The following MAGI2 variants were observed in gnomAD, a reference collection of about 807,000 sequenced individuals.
MAGI2 encodes membrane-associated guanylate kinase, WW and PDZ domain-containing protein 2.
Under a neutral mutation model 133.3 loss-of-function variants are expected in MAGI2, and 35 were observed. The ratio of observed to expected loss-of-function variants is 0.26; its 90% CI spans 0.20 to 0.35. The LOEUF (loss-of-function observed/expected upper bound fraction) is 0.35. Ranked by LOEUF, MAGI2 falls within the 10% of genes least tolerant of loss-of-function variation. The probability of loss-of-function intolerance (pLI) is 1.00; values close to 1 mark genes in which losing one functional copy is unlikely to be tolerated. For synonymous variants in MAGI2, 729 were observed against 710.6 expected (o/e 1.03, Z -0.41); for missense variants, 1,636 against 1,863.4 (o/e 0.88, Z 2.25).
intron 2 of MAGI2, among the ~76,000 whole-genome samples, chr7:78,740,147 C>A (rs1311945721): frequency 6.6e-6 from 1 of 150,922 alleles, no homozygotes; most frequent in African/African-American, 2.5e-5. Flanking sequence ...GGTGACAGAG[C>A]CAGACTCTGT....
At chr7:78,725,144 T>A (rs763112235) in intron 2 of MAGI2, among the ~76,000 whole-genome samples, 2 of 152,356 alleles carry the variant, frequency 1.3e-5, no homozygotes, top group South Asian at 4.1e-4. Flanking sequence ...TAATTAAGTT[T>A]CCTGAAAAAT....
chr7:78,308,084 G>T (rs1488723554), intron 9 of MAGI2, among the ~76,000 whole-genome samples: 8 of 152,312 alleles, frequency 5.3e-5, no homozygotes, highest in Non-Finnish European at 1.2e-4. Context: ...AATGGGCAAT[G>T]AATTTCTAAT....
At chr7:79,132,247 A>G (rs1052715181) in intron 1 of MAGI2, among the ~76,000 whole-genome samples, 15 of 152,088 alleles carry the variant, frequency 9.9e-5, no homozygotes, top group African/African-American at 3.6e-4. Context: ...CCCTTCACCT[A>G]AGTAGTATAC....
intron 1 of MAGI2, among the ~76,000 whole-genome samples, chr7:79,398,407 T>C (rs1379487606): frequency 6.6e-6 from 1 of 152,244 alleles, no homozygotes; most frequent in African/African-American, 2.4e-5. Context: ...GGCTGTCATC[T>C]TCTCATATTC....
At chr7:79,425,578 TTATATA>T (rs10639427) in intron 1 of MAGI2, among the ~76,000 whole-genome samples, 211 of 131,376 alleles carry the variant, frequency 1.6e-3, no homozygotes, top group African/African-American at 6.6e-3. Context: ...AATAAGGGTT[TTATATA>T]TATATATATA....
intron 1 of MAGI2, among the ~76,000 whole-genome samples, chr7:79,251,899 G>A (rs1395547627): frequency 6.6e-6 from 1 of 152,046 alleles, no homozygotes; most frequent in African/African-American, 2.4e-5. Context: ...GCTTATGCCT[G>A]TAATCCCAGC....
intron 4 of MAGI2, among the ~76,000 whole-genome samples, chr7:78,504,387 T>C (rs1482044964): frequency 6.6e-6 from 1 of 152,178 alleles, no homozygotes; most frequent in Non-Finnish European, 1.5e-5. Flanking sequence ...CATTTAGTTT[T>C]TCTGCTGTCA....
chr7:78,185,410 A>G, intron 13 of MAGI2: 1 of 389,292 alleles, frequency 2.6e-6, no homozygotes, highest in Non-Finnish European at 4.6e-6. Flanking sequence ...TTTATGAAAG[A>G]AATTCATGAA....
At position 78,878,867 on chromosome 7, in the gene MAGI2, T is replaced by A. The variant is rs545807976; in HGVS notation, c.418+128223A>T. Among the ~76,000 whole-genome samples, 5 of 152,278 alleles carry A rather than the reference T, an allele frequency of 3.3e-5. No individual in the cohort carries two copies. The South Asian group carries it at 1.0e-3, about 32-fold the overall frequency. ...ATCACCTATAGTTCCTTTGCATAGATCATGGTTTAGCAGGGCCCTCTCCAT... is the reference window on the plus strand; with the variant it reads ...ATCACCTATAGTTCCTTTGCATAGAACATGGTTTAGCAGGGCCCTCTCCAT... On this transcript the variant is annotated intron_variant, in intron 2 of 21. Transcript: ENST00000354212.
intron 9 of MAGI2, among the ~76,000 whole-genome samples, chr7:78,324,143 CACTACACTACACACT>C (rs1353773012): frequency 4.5e-4 from 62 of 136,570 alleles, no homozygotes; most frequent in African/African-American, 1.8e-3. Context: ...CACTACACTA[CACTACACTACACACT>C]ACACTACACT....
chr7:78,873,895 G>T (rs1225333020), intron 2 of MAGI2, among the ~76,000 whole-genome samples: 1 of 151,828 alleles, frequency 6.6e-6, no homozygotes, highest in African/African-American at 2.4e-5. Context: ...TAATGATATG[G>T]TCACAATGAT....
intron 2 of MAGI2, among the ~76,000 whole-genome samples, chr7:78,677,331 T>C (rs1381192695): frequency 6.6e-6 from 1 of 151,242 alleles, no homozygotes; most frequent in Non-Finnish European, 1.5e-5. Flanking sequence ...TATAAATGTA[T>C]GGAAGCCTAT....
intron 1 of MAGI2, among the ~76,000 whole-genome samples, chr7:79,421,165 T>C (rs546465328): frequency 6.6e-6 from 1 of 152,144 alleles, no homozygotes; most frequent in East Asian, 1.9e-4. Context: ...ACAATAAATC[T>C]GTTTGACATT....
At chr7:79,078,730 T>C (rs1216551190) in intron 1 of MAGI2, among the ~76,000 whole-genome samples, 1 of 152,188 alleles carries the variant, frequency 6.6e-6, no homozygotes, top group Non-Finnish European at 1.5e-5. Flanking sequence ...ATTTAACTAC[T>C]ATAAACCAAG....
At chr7:78,306,485 A>G (rs1798253482) in intron 9 of MAGI2, among the ~76,000 whole-genome samples, 2 of 152,326 alleles carry the variant, frequency 1.3e-5, no homozygotes, top group South Asian at 4.1e-4. Context: ...TGCATAAAAT[A>G]AAGTGCTATC....
intron 2 of MAGI2, among the ~76,000 whole-genome samples, chr7:78,871,430 A>G (rs1316273666): frequency 6.6e-6 from 1 of 152,116 alleles, no homozygotes; most frequent in African/African-American, 2.4e-5. Context: ...AATCTCAGAA[A>G]TCACCACCAA....
intron 21 of MAGI2, among the ~76,000 whole-genome samples, chr7:78,033,489 A>G (rs908363988): frequency 2.0e-5 from 3 of 151,196 alleles, no homozygotes; most frequent in African/African-American, 7.3e-5. Flanking sequence ...AAAAAAAAAA[A>G]AAAGAAAAAA....
At chr7:78,086,241 G>GTTT (rs5885041) in intron 20 of MAGI2, among the ~76,000 whole-genome samples, 10 of 126,414 alleles carry the variant, frequency 7.9e-5, no homozygotes, top group African/African-American at 2.4e-4. Context: ...AATTTTTAAT[G>GTTT]TTTTTTTTTT....
At chr7:79,449,624 G>A (rs905759748) in intron 1 of MAGI2, among the ~76,000 whole-genome samples, 14 of 151,868 alleles carry the variant, frequency 9.2e-5, no homozygotes, top group Non-Finnish European at 1.3e-4. Context: ...ATGCATTAAC[G>A]AGATCATAGA....
Sources: gnomAD v4.1 joint callset for allele counts (sites outside exome capture counted in the v4.1 genomes callset) on GRCh38, gnomAD v4.1.1 for gene constraint, MANE v1.5 for transcripts, NCBI Gene and HGNC (gene_info 2026-07-23, HGNC 2026-07-21) for gene names.